RALGAPA1: variants seen among roughly 807,000 people sequenced by gnomAD.
The protein encoded by RALGAPA1 is Ral GTPase activating protein catalytic subunit alpha 1, also known as ral GTPase-activating protein subunit alpha-1.
Under a neutral mutation model 269.6 loss-of-function variants are expected in RALGAPA1, and 52 were observed. The observed-to-expected ratio is 0.19, with a 90% CI of 0.15 to 0.24. The LOEUF (loss-of-function observed/expected upper bound fraction) is 0.24, where lower values mean the gene tolerates loss of function less well. RALGAPA1 is among the 10% of genes least tolerant of loss of function. The pLI, the probability that RALGAPA1 is intolerant of heterozygous loss-of-function variation, is 1.00. For synonymous variants in RALGAPA1, 817 were observed against 1,008.3 expected, an observed-to-expected ratio of 0.81 and a Z score of 3.60; for missense variants, 1,917 against 3,013.9, an observed-to-expected ratio of 0.64 and a Z score of 8.52.
intron 7 of RALGAPA1, among the ~76,000 whole-genome samples, chr14:35,753,292 G>A (rs1163228118): frequency 1.3e-5 from 2 of 152,160 alleles, no homozygotes; most frequent in African/African-American, 4.8e-5. Context: ...GAATTCACAG[G>A]AATGCATAAA....
At chr14:35,688,154 C>T (rs1029150397) in intron 18 of RALGAPA1, among the ~76,000 whole-genome samples, 3 of 152,144 alleles carry the variant, frequency 2.0e-5, no homozygotes, top group Non-Finnish European at 4.4e-5. Flanking sequence ...GGTATACACT[C>T]AGAAAAATAC....
chr14:35,692,725 C>T (rs912501687), intron 17 of RALGAPA1, among the ~76,000 whole-genome samples: 2 of 151,892 alleles, frequency 1.3e-5, no homozygotes, highest in East Asian at 3.9e-4. Context: ...AAGAAAATAA[C>T]ACTGACAGGA....
chr14:35,589,615 T>A (rs2058515273), intron 37 of RALGAPA1, among the ~76,000 whole-genome samples: 1 of 152,184 alleles, frequency 6.6e-6, no homozygotes. Flanking sequence ...AGCAGAATAG[T>A]AATATATTAT....
intron 34 of RALGAPA1, among the ~76,000 whole-genome samples, chr14:35,626,287 A>G (rs1043411159): frequency 6.6e-5 from 10 of 152,112 alleles, no homozygotes; most frequent in African/African-American, 1.2e-4. Context: ...GCAGATCTCT[A>G]TTTCAATGCT....
At chr14:35,737,305 A>C (rs2071091739) in intron 12 of RALGAPA1, among the ~76,000 whole-genome samples, 1 of 152,172 alleles carries the variant, frequency 6.6e-6, no homozygotes, top group Admixed American at 6.5e-5. Flanking sequence ...GAGAACTCCC[A>C]AACACTACTA....
At chr14:35,724,894 CTAATT>C (rs2069747357) in intron 14 of RALGAPA1, 125 bp downstream of exon 14, 11 of 676,828 alleles carry the variant, frequency 1.6e-5, no homozygotes, top group Non-Finnish European at 2.4e-5. Context: ...GAAATAATCT[CTAATT>C]TAAAACTTTT....
Position 35,689,284 on chromosome 14 carries a change from C to T in RALGAPA1, c.3127G>A (p.Asp1043Asn). 8.1e-7 allele frequency: 1 copy of T among 1,232,150 alleles called. No individual in the cohort carries two copies. The highest frequency in any genetic ancestry group is 1.0e-6 in the Non-Finnish European group (1 of 988,056). The allele number at this position is 1,232,150 out of a possible 1,614,324, so 76.3% of individuals were successfully genotyped here. A position where few individuals can be genotyped will look rare whatever the true frequency, so the allele number is the denominator to read the frequency against. ...TSEKSKQLNT[D>N]KQPSEPSLDS... ...AAACTAGGCTCTGATGGCTGTTTAT[C>T]AGTGTTTAGTTGCTTAGATTTTTCA... is the stretch of plus-strand genomic sequence containing the variant. Residue 1043 changes from aspartate to asparagine, a missense_variant, in exon 18 of 42, where the codon GAT (aspartate) becomes AAT (asparagine). By Grantham distance (23) the Asp-to-Asn change is conservative. Transcript: ENST00000680220.
chr14:35,768,270 A>T lies in RALGAPA1; in HGVS notation c.325+2672T>A, dbSNP rs1156608820. On this transcript the variant is annotated intron_variant, in intron 4 of 41. Transcript: ENST00000680220. ...AAAAATTTCTTTTGTCTTTAAAGACAGAGTCTCACTATGTTGCTCAAGCTG... is the reference window on the plus strand; with the variant it reads ...AAAAATTTCTTTTGTCTTTAAAGACTGAGTCTCACTATGTTGCTCAAGCTG... 2.6e-5 allele frequency among the ~76,000 whole-genome samples: 4 copies of T among 152,326 alleles called. No homozygotes were observed. In the East Asian group the frequency reaches 7.7e-4, roughly 29 times the overall value.
At chr14:35,539,731 T>G in intron 41 of RALGAPA1, 41 bp from the exon 42 acceptor site, 1 of 1,603,528 alleles carries the variant, frequency 6.2e-7, no homozygotes, top group Middle Eastern at 1.7e-4. Context: ...TTATCCAGCC[T>G]CTCATCCCCT....
Position 35,663,612 on chromosome 14 carries a change from C to T in RALGAPA1, c.5328+1030G>A, listed in dbSNP as rs561901700. On this transcript the variant is annotated intron_variant, in intron 27 of 41. Coordinates refer to ENST00000680220, the MANE Select transcript of RALGAPA1 (RefSeq NM_001346249.2). ...ATTTTTTTTTTTTTTTTTTTTGAGA[C>T]GGAGTCTCGCTCTGTTACCCAGGCT... Among the ~76,000 whole-genome samples, 709 of 135,214 alleles carry T rather than the reference C, an allele frequency of 5.2e-3. 6 individuals are homozygous for T. Among genetic ancestry groups the T allele is most frequent in the African/African-American group, 0.019 (668 of 35,060 alleles). The allele number at this position is 135,214 out of a possible 152,430, so 88.7% of individuals were successfully genotyped here.
rs768876463 is a variant in RALGAPA1, at chr14:35,689,983, G to T, written c.2428C>A (p.Leu810Ile). ...TGTCTGACTCTAGTTGAGCGGGGAA[G>T]TATTTGAGCATCATCAATATCTGTA... is the stretch of plus-strand genomic sequence containing the variant. The part of the protein sequence containing the change: ...ELSDIDDAQI[L>I]PRSTRVRHFS... Residue 810 changes from leucine to isoleucine, a missense_variant, in exon 18 of 42, where the codon CTT becomes ATT. By Grantham distance (5) the Leu-to-Ile change is conservative. Coordinates refer to ENST00000680220, the MANE Select transcript of RALGAPA1 (RefSeq NM_001346249.2). 5 of 1,587,450 alleles carry T rather than the reference G, an allele frequency of 3.1e-6. No individual in the cohort carries two copies. In the Admixed American group the frequency reaches 9.4e-5, roughly 30 times the overall value.
Position 35,715,746 on chromosome 14 carries a change from A to T in RALGAPA1, c.2266+5942T>A, listed in dbSNP as rs908420879. ...TATCCTTCTCAAGATAACCAATTTA[A>T]CATGGAAGTCTTCAATTCAGTCATC... On this transcript the variant is annotated intron_variant, in intron 16 of 41. Coordinates refer to ENST00000680220, the MANE Select transcript of RALGAPA1 (RefSeq NM_001346249.2). 4 of 985,302 alleles carry T rather than the reference A, an allele frequency of 4.1e-6. No homozygotes were observed. The African/African-American group carries it at 7.0e-5, about 17-fold the overall frequency. 61.0% of individuals were successfully genotyped at this position (985,302 alleles called of 1,614,324 possible).
intron 37 of RALGAPA1, among the ~76,000 whole-genome samples, chr14:35,594,789 A>G (rs1468416161): frequency 6.6e-6 from 1 of 151,754 alleles, no homozygotes; most frequent in Admixed American, 6.6e-5. Context: ...GACCTAGCAA[A>G]CCTTTTTCTG....
intron 37 of RALGAPA1, among the ~76,000 whole-genome samples, chr14:35,574,524 C>T (rs2057417930): frequency 6.6e-6 from 1 of 152,126 alleles, no homozygotes; most frequent in African/African-American, 2.4e-5. Context: ...CATGAAATCC[C>T]TTATCATTTA....
At position 35,549,105 on chromosome 14, in the gene RALGAPA1, C is replaced by A; in HGVS notation, c.7621+5G>T. 6.2e-7 allele frequency: 1 copy of A among 1,610,442 alleles called. No homozygotes were observed. The highest frequency in any genetic ancestry group is 8.5e-7 in the Non-Finnish European group (1 of 1,178,854). On this transcript the variant is annotated splice_donor_5th_base_variant and intron_variant, in intron 40 of 41. Transcript: ENST00000680220. ...CAAGTAACTAATACTCGCTTTTAAT[C>A]TTACCGGCATCAGATGGTAAATGGT...
chr14:35,584,656 T>G (rs147810296), intron 37 of RALGAPA1, among the ~76,000 whole-genome samples: 195 of 151,844 alleles, frequency 1.3e-3, no homozygotes, highest in African/African-American at 4.6e-3. Context: ...AGTTAAAAAG[T>G]TAAAAAAAGA....
At chr14:35,774,355 G>A (rs1159839457) in intron 3 of RALGAPA1, among the ~76,000 whole-genome samples, 1 of 151,844 alleles carries the variant, frequency 6.6e-6, no homozygotes, top group Non-Finnish European at 1.5e-5. Context: ...TCCTATGACT[G>A]TTTATCTGTT....
chr14:35,776,268 C>T (rs745601670), intron 1 of RALGAPA1, among the ~76,000 whole-genome samples: 2 of 151,928 alleles, frequency 1.3e-5, no homozygotes, highest in Non-Finnish European at 2.9e-5. Flanking sequence ...GTAATCCCAG[C>T]TACTTGGGAG....
At chr14:35,635,645 T>C (rs746583425) in intron 31 of RALGAPA1, 47 bp from the exon 32 acceptor site, 1 of 1,436,888 alleles carries the variant, frequency 7.0e-7, no homozygotes, top group Non-Finnish European at 9.2e-7. Context: ...ATAAAATATA[T>C]GCTTCTTAAA....
Sources: allele counts gnomAD v4.1 joint callset (sites outside exome capture counted in the v4.1 genomes callset), GRCh38; gene constraint gnomAD v4.1.1; transcripts MANE v1.5; gene names NCBI Gene and HGNC (gene_info 2026-07-23, HGNC 2026-07-21).